THSD7B: variants seen among roughly 807,000 people sequenced by gnomAD.
The protein encoded by THSD7B is thrombospondin type-1 domain-containing protein 7B.
Under a neutral mutation model 213.6 loss-of-function variants are expected in THSD7B, and 138 were observed. That is an observed-to-expected ratio of 0.65 (90% CI 0.56 to 0.74). The LOEUF (loss-of-function observed/expected upper bound fraction) is 0.74. THSD7B is among the 30% of genes least tolerant of loss of function. THSD7B has a pLI of 0.00. For missense variants in THSD7B, 1,931 were observed against 1,991.5 expected, an observed-to-expected ratio of 0.97 and a Z score of 0.58; for synonymous variants, 742 against 687.0, an observed-to-expected ratio of 1.08 and a Z score of -1.25.
At chr2:136,883,189 C>T (rs1199901828) in intron 2 of THSD7B, among the ~76,000 whole-genome samples, 1 of 151,822 alleles carries the variant, frequency 6.6e-6, no homozygotes, top group Non-Finnish European at 1.5e-5. Flanking sequence ...ATCTATGGTC[C>T]TCAAAGAATT....
At chr2:137,172,481 G>A (rs1020715006) in intron 7 of THSD7B, among the ~76,000 whole-genome samples, 1 of 152,170 alleles carries the variant, frequency 6.6e-6, no homozygotes, top group African/African-American at 2.4e-5. Flanking sequence ...TGGAAATGTG[G>A]CAGTGCTGAG....
chr2:137,097,769 G>GACACACACAC (rs3050089), intron 4 of THSD7B, among the ~76,000 whole-genome samples: 5,820 of 141,352 alleles, frequency 0.041, 139 homozygotes, highest in Admixed American at 0.058. Flanking sequence ...CGCTAAGTTT[G>GACACACACAC]ACACACACAC....
At chr2:136,915,288 G>A (rs374666969) in intron 2 of THSD7B, among the ~76,000 whole-genome samples, 8 of 152,154 alleles carry the variant, frequency 5.3e-5, no homozygotes, top group South Asian at 2.1e-4. Flanking sequence ...TTTTCAGAGC[G>A]TAGAAATAAT....
At chr2:137,108,510 G>A (rs1688294661) in intron 4 of THSD7B, among the ~76,000 whole-genome samples, 1 of 152,146 alleles carries the variant, frequency 6.6e-6, no homozygotes, top group African/African-American at 2.4e-5. Flanking sequence ...CGGTGGGACA[G>A]CATCACTATC....
intron 12 of THSD7B, among the ~76,000 whole-genome samples, chr2:137,350,549 A>G (rs904214159): frequency 1.3e-5 from 2 of 151,898 alleles, no homozygotes; most frequent in African/African-American, 2.4e-5. Context: ...ATGTATCTAG[A>G]CGTTATGATA....
chr2:137,132,565 T>A (rs1227443272), intron 5 of THSD7B, among the ~76,000 whole-genome samples: 1 of 152,194 alleles, frequency 6.6e-6, no homozygotes, highest in African/African-American at 2.4e-5. Flanking sequence ...AATCCTTCTT[T>A]ATATAGATAA....
chr2:137,238,107 C>G lies in THSD7B; in HGVS notation c.2151-4350C>G, dbSNP rs139638084. On this transcript the variant is annotated intron_variant, in intron 9 of 27. Coordinates refer to ENST00000409968, the MANE Select transcript of THSD7B (RefSeq NM_001316349.2). The stretch of plus-strand genomic sequence containing the variant: ...ATGGTGAGTGATGCCAGGAAAGGGT[C>G]AATAAAATTGACAATATCAGTTCCC... Among the ~76,000 whole-genome samples the G allele has an allele frequency of 7.1e-3, 1,083 of 152,158 alleles. 6 individuals are homozygous for G. The highest frequency in any genetic ancestry group is 0.011 in the Non-Finnish European group (724 of 67,978).
chr2:137,198,144 G>C (rs1209938006), intron 7 of THSD7B, among the ~76,000 whole-genome samples: 1 of 152,156 alleles, frequency 6.6e-6, no homozygotes, highest in Non-Finnish European at 1.5e-5. Context: ...AAATACTAAT[G>C]AGTCTACATA....
At chr2:137,570,051 G>A (rs1028055997) in intron 16 of THSD7B, among the ~76,000 whole-genome samples, 1 of 151,250 alleles carries the variant, frequency 6.6e-6, no homozygotes, top group Non-Finnish European at 1.5e-5. Context: ...GCTATCCCAT[G>A]GATTTTCCTT....
intron 15 of THSD7B, among the ~76,000 whole-genome samples, chr2:137,484,610 G>T (rs1485384663): frequency 1.6e-4 from 13 of 83,258 alleles, no homozygotes; most frequent in South Asian, 4.9e-4. Context: ...ACTTCCACAA[G>T]GGTTGAACTA....
At chr2:137,395,951 A>G (rs1686172912) in intron 12 of THSD7B, among the ~76,000 whole-genome samples, 1 of 152,028 alleles carries the variant, frequency 6.6e-6, no homozygotes, top group African/African-American at 2.4e-5. Flanking sequence ...TTATTTGCAT[A>G]GAGGTGTTTG....
At chr2:137,383,159 T>C (rs1166387222) in intron 12 of THSD7B, among the ~76,000 whole-genome samples, 1 of 152,198 alleles carries the variant, frequency 6.6e-6, no homozygotes. Flanking sequence ...ACAAGACCTG[T>C]AGGTGGAAGG....
intron 5 of THSD7B, among the ~76,000 whole-genome samples, chr2:137,134,820 A>G (rs1378418625): frequency 6.6e-6 from 1 of 152,014 alleles, no homozygotes; most frequent in Non-Finnish European, 1.5e-5. Flanking sequence ...AGTTCTTTCT[A>G]CCCTTTTTCA....
intron 1 of THSD7B, among the ~76,000 whole-genome samples, chr2:136,809,142 A>G (rs1682335589): frequency 6.6e-6 from 1 of 152,212 alleles, no homozygotes; most frequent in African/African-American, 2.4e-5. Context: ...GAACTTTATA[A>G]AGTAATGATA....
intron 15 of THSD7B, among the ~76,000 whole-genome samples, chr2:137,510,289 C>T (rs887358924): frequency 1.4e-4 from 21 of 151,922 alleles, no homozygotes; most frequent in Middle Eastern, 3.2e-3. Flanking sequence ...ATTGCTATAG[C>T]GATTATAACA....
intron 5 of THSD7B, among the ~76,000 whole-genome samples, chr2:137,139,370 A>G (rs1167190078): frequency 6.6e-6 from 1 of 152,150 alleles, no homozygotes; most frequent in Non-Finnish European, 1.5e-5. Context: ...TAGTAGTGAA[A>G]GGATCTGCTA....
intron 1 of THSD7B, among the ~76,000 whole-genome samples, chr2:136,777,217 T>G (rs752859184): frequency 6.6e-5 from 10 of 152,004 alleles, no homozygotes; most frequent in Non-Finnish European, 1.3e-4. Flanking sequence ...AATGAAACGG[T>G]GGGTGATGTA....
intron 2 of THSD7B, among the ~76,000 whole-genome samples, chr2:136,997,818 T>C (rs947826752): frequency 6.6e-6 from 1 of 152,094 alleles, no homozygotes; most frequent in African/African-American, 2.4e-5. Context: ...CTTCTGGATG[T>C]ACAGAAGGAA....
At chr2:137,374,961 A>G (rs1685619149) in intron 12 of THSD7B, among the ~76,000 whole-genome samples, 1 of 152,152 alleles carries the variant, frequency 6.6e-6, no homozygotes, top group Non-Finnish European at 1.5e-5. Flanking sequence ...TTGTGCTTGG[A>G]TCGTGGACAT....
Sources: allele counts gnomAD v4.1 joint callset (sites outside exome capture counted in the v4.1 genomes callset), GRCh38; gene constraint gnomAD v4.1.1; transcripts MANE v1.5; gene names NCBI Gene and HGNC (gene_info 2026-07-23, HGNC 2026-07-21).